Variants in ADCY9 observed in about 807,000 individuals in gnomAD.
ADCY9 encodes adenylate cyclase 9.
ADCY9 carries 50 observed loss-of-function variants against 101.5 expected under a neutral mutation model. The observed-to-expected ratio is 0.49, with a 90% CI of 0.39 to 0.62. ADCY9 has a LOEUF of 0.62. ADCY9 is among the 20% of genes least tolerant of loss of function. ADCY9 has a pLI of 0.00. For missense variants in ADCY9, 1,662 were observed against 1,800.4 expected, an observed-to-expected ratio of 0.92 and a Z score of 1.39; for synonymous variants, 905 against 769.3, an observed-to-expected ratio of 1.18 and a Z score of -2.92.
In ADCY9 at chr16:3,966,943, C is replaced by A. The variant is rs1042273291; in HGVS notation, c.2894G>T (p.Ser965Ile). The change falls in exon 11 of 11, where the codon AGT (serine) becomes ATT (isoleucine). Residue 965 changes from serine (S) to isoleucine (I), a missense_variant. Ser to Ile is a moderately radical substitution (Grantham distance 142). This residue lies in a region of ADCY9 where 624 missense variants were observed against 639.1 expected (regional missense o/e 0.98). Transcript: ENST00000294016. ...NFSSERNPCN[S>I]SVPRDLRRPA... Reference sequence around the variant, plus strand: ...CCGCCGGAGGTCACGCGGCACCGAACTATTGCACGGGTTCCTCTCGGAACT... The same window carrying A: ...CCGCCGGAGGTCACGCGGCACCGAAATATTGCACGGGTTCCTCTCGGAACT... The A allele has an allele frequency of 4.3e-6, 7 of 1,612,860 alleles. No individual in the cohort carries two copies. The highest frequency in any genetic ancestry group is 5.9e-6 in the Non-Finnish European group (7 of 1,179,560).
chr16:4,082,277 G>A (rs1349947697), intron 2 of ADCY9, among the ~76,000 whole-genome samples: 2 of 152,056 alleles, frequency 1.3e-5, no homozygotes, highest in Admixed American at 6.5e-5. Flanking sequence ...TACTCAAGAG[G>A]CTGAGGCAGG....
intron 2 of ADCY9, among the ~76,000 whole-genome samples, chr16:4,055,692 G>C (rs1049398774): frequency 6.6e-6 from 1 of 152,148 alleles, no homozygotes; most frequent in African/African-American, 2.4e-5. Flanking sequence ...AAATTAGCCA[G>C]GCGTGGCGCC....
intron 2 of ADCY9, among the ~76,000 whole-genome samples, chr16:4,111,576 A>G (rs1273647379): frequency 6.6e-6 from 1 of 152,178 alleles, no homozygotes; most frequent in Admixed American, 6.5e-5. Flanking sequence ...AAGGGCCAGG[A>G]AGTTGTGTAG....
intron 2 of ADCY9, among the ~76,000 whole-genome samples, chr16:4,039,701 A>AT (rs2056614080): frequency 6.9e-6 from 1 of 145,894 alleles, no homozygotes; most frequent in Admixed American, 6.8e-5. Flanking sequence ...AAAAAAAAAA[A>AT]GCAGGATTGC....
At chr16:3,984,975 C>T (rs2141692840) in intron 6 of ADCY9, among the ~76,000 whole-genome samples, 1 of 152,330 alleles carries the variant, frequency 6.6e-6, no homozygotes, top group East Asian at 1.9e-4. Context: ...GCCCTGATGC[C>T]AGGCTGGACC....
chr16:3,994,879 G>A (rs2056274950), intron 3 of ADCY9, among the ~76,000 whole-genome samples: 1 of 152,214 alleles, frequency 6.6e-6, no homozygotes, highest in Non-Finnish European at 1.5e-5. Flanking sequence ...GTGATGGTGA[G>A]CTAGTCTCAT....
intron 2 of ADCY9, among the ~76,000 whole-genome samples, chr16:4,030,063 T>C (rs912024409): frequency 6.6e-6 from 1 of 152,132 alleles, no homozygotes; most frequent in Non-Finnish European, 1.5e-5. Context: ...AACAATGTTA[T>C]CACCATTTGT....
intron 2 of ADCY9, among the ~76,000 whole-genome samples, chr16:4,040,006 TC>T (rs1462693582): frequency 6.6e-6 from 1 of 152,060 alleles, no homozygotes; most frequent in Non-Finnish European, 1.5e-5. Context: ...ACCACTGCAC[TC>T]CAGGCTGGGT....
chr16:3,954,418 C>T (rs561999285), intron 5 of ADCY9, among the ~76,000 whole-genome samples: 1 of 152,144 alleles, frequency 6.6e-6, no homozygotes, highest in Non-Finnish European at 1.5e-5. Context: ...AGCCCAGGAG[C>T]GAATGGATGA....
At position 3,992,830 on chromosome 16, in the gene ADCY9, T is replaced by A. The variant is rs760637591; in HGVS notation, c.1990-467A>T. On this transcript the variant is annotated intron_variant, in intron 4 of 10. Transcript: ENST00000294016. This position sits in a 1 kb window ranked among gnomAD's most constrained non-coding sequence, Gnocchi z 4.2. ...GTGTCGTGGGTGTCCCCCGTGGCTGTGGGAAGGCATGGGATGACCTGCACC... is the reference window on the plus strand; with the variant it reads ...GTGTCGTGGGTGTCCCCCGTGGCTGAGGGAAGGCATGGGATGACCTGCACC... 6.6e-6 allele frequency among the ~76,000 whole-genome samples: 1 copy of A among 151,978 alleles called. No individual in the cohort carries two copies. The highest frequency in any genetic ancestry group is 1.5e-5 in the Non-Finnish European group (1 of 67,988).
chr16:3,992,383 A>T lies in ADCY9; in HGVS notation c.1990-20T>A. On this transcript the variant is annotated intron_variant, in intron 4 of 10. Transcript: ENST00000294016. This position sits in a 1 kb window ranked among gnomAD's most constrained non-coding sequence, Gnocchi z 4.2. Reference sequence around the variant, plus strand: ...AGAAGCCTGCCTCGAGACAAAGAGGACGCAGACACGGGAAGTGAAGTGGCA... The same window carrying T: ...AGAAGCCTGCCTCGAGACAAAGAGGTCGCAGACACGGGAAGTGAAGTGGCA... 6.2e-7 allele frequency: 1 copy of T among 1,610,414 alleles called. No individual in the cohort carries two copies. The highest frequency in any genetic ancestry group is 1.1e-5 in the South Asian group (1 of 90,834).
chr16:4,057,300 C>T (rs2056746444), intron 2 of ADCY9, among the ~76,000 whole-genome samples: 1 of 151,918 alleles, frequency 6.6e-6, no homozygotes, highest in Non-Finnish European at 1.5e-5. Flanking sequence ...TTTTTAATAA[C>T]AGCTTTATTG....
At chr16:4,004,481 G>A (rs940101615) in intron 3 of ADCY9, among the ~76,000 whole-genome samples, 5 of 152,118 alleles carry the variant, frequency 3.3e-5, no homozygotes, top group South Asian at 2.1e-4. Context: ...TAAACCCTTC[G>A]TGGGCGCTGC....
chr16:4,106,586 A>G (rs2057078860), intron 2 of ADCY9, among the ~76,000 whole-genome samples: 1 of 152,232 alleles, frequency 6.6e-6, no homozygotes, highest in South Asian at 2.1e-4. Flanking sequence ...CCCTAAGCTC[A>G]GCTAGTCCAG....
intron 2 of ADCY9, among the ~76,000 whole-genome samples, chr16:4,075,733 G>A (rs1367679620): frequency 6.6e-6 from 1 of 152,164 alleles, no homozygotes. Context: ...GCAAGGAATG[G>A]CGGCTGGGGC....
intron 2 of ADCY9, among the ~76,000 whole-genome samples, chr16:4,110,118 A>G (rs1308876898): frequency 6.6e-6 from 1 of 152,098 alleles, no homozygotes; most frequent in Non-Finnish European, 1.5e-5. Context: ...ATACTCCACA[A>G]CATTTTTAAC....
At chr16:4,016,397 C>T (rs1256869554) in intron 2 of ADCY9, among the ~76,000 whole-genome samples, 1 of 152,112 alleles carries the variant, frequency 6.6e-6, no homozygotes, top group Non-Finnish European at 1.5e-5. Context: ...GAAATGACAG[C>T]ACCAAATGCA....
chr16:4,040,865 T>A (rs1414277153), intron 2 of ADCY9, among the ~76,000 whole-genome samples: 2 of 152,200 alleles, frequency 1.3e-5, no homozygotes, highest in Non-Finnish European at 2.9e-5. Flanking sequence ...ATCACACTTG[T>A]GTAGTACTTT....
At chr16:4,013,183 G>C (rs1020174210) in intron 2 of ADCY9, among the ~76,000 whole-genome samples, 1 of 152,110 alleles carries the variant, frequency 6.6e-6, no homozygotes, top group Non-Finnish European at 1.5e-5. Context: ...GGGAGGTTGA[G>C]GCTGCAGTGA....
Sources: gnomAD v4.1 joint callset for allele counts (sites outside exome capture counted in the v4.1 genomes callset) on GRCh38, gnomAD v4.1.1 for gene constraint, gnomAD v4.1.1 regional missense constraint, Gnocchi (gnomAD v3.1) non-coding constraint, MANE v1.5 for transcripts, NCBI Gene and HGNC (gene_info 2026-07-23, HGNC 2026-07-21) for gene names.